The following FLT3 variants were observed in gnomAD, a reference collection of about 807,000 sequenced individuals.
FLT3 encodes the protein receptor-type tyrosine-protein kinase FLT3.
FLT3 carries 46 observed loss-of-function variants against 126.6 expected under a neutral mutation model. The ratio of observed to expected loss-of-function variants is 0.36; its 90% CI spans 0.29 to 0.46. The LOEUF is 0.46. Ranked by LOEUF, FLT3 falls within the 20% of genes least tolerant of loss-of-function variation. FLT3 has a pLI of 1.00. For missense variants in FLT3, 1,069 were observed against 1,190.3 expected (o/e 0.90, Z 1.50); for synonymous variants, 404 against 434.4 (o/e 0.93, Z 0.87).
chr13:28,015,164 C>T lies in FLT3; in HGVS notation c.2746G>A (p.Glu916Lys), dbSNP rs1337882825. 2 of 1,582,144 alleles carry T rather than the reference C, an allele frequency of 1.3e-6. No individual in the cohort carries two copies. Among genetic ancestry groups the T allele is most frequent in the Non-Finnish European group, 1.7e-6 (2 of 1,151,552 alleles). ...FKMDQPFYAT[E>K]EIYIIMQSCW... ...AGTCTGACTTGAACTTACATTTCTT[C>T]TGTAGCATAAAATGGCTGATCCATT... The change falls in exon 22 of 24, where the codon GAA (glutamate) becomes AAA (lysine). Residue 916 changes from glutamate to lysine, a missense_variant. Glu to Lys is a moderately conservative substitution (Grantham distance 56). Transcript: ENST00000241453.
intron 9 of FLT3, among the ~76,000 whole-genome samples, chr13:28,037,544 C>T (rs1873946569): frequency 6.6e-6 from 1 of 152,188 alleles, no homozygotes; most frequent in Non-Finnish European, 1.5e-5. Flanking sequence ...AAATCACTGA[C>T]TCAGAATCTG....
At chr13:28,076,000 T>C (rs1440398307) in intron 1 of FLT3, among the ~76,000 whole-genome samples, 2 of 152,074 alleles carry the variant, frequency 1.3e-5, no homozygotes, top group Non-Finnish European at 2.9e-5. Flanking sequence ...GTCCCCCATG[T>C]TGGCCAGGCT....
At chr13:28,096,497 C>T (rs899852822) in intron 1 of FLT3, among the ~76,000 whole-genome samples, 5 of 151,550 alleles carry the variant, frequency 3.3e-5, no homozygotes, top group African/African-American at 4.9e-5. Context: ...AGTGCAATGG[C>T]GCAATCTTGG....
At chr13:28,094,096 A>T (rs1023814545) in intron 1 of FLT3, among the ~76,000 whole-genome samples, 12 of 152,236 alleles carry the variant, frequency 7.9e-5, no homozygotes, top group African/African-American at 2.9e-4. Flanking sequence ...GATACTGCTT[A>T]TCTCCTTTTT....
At chr13:28,070,070 A>G (rs1877368710) in intron 2 of FLT3, among the ~76,000 whole-genome samples, 1 of 152,230 alleles carries the variant, frequency 6.6e-6, no homozygotes, top group African/African-American at 2.4e-5. Flanking sequence ...AGCTATGATC[A>G]TGCCACTATA....
At chr13:28,014,684 GCAAGTCCTCTAC>G in intron 22 of FLT3, 127 bp from the exon 23 acceptor site, 2 of 642,174 alleles carry the variant, frequency 3.1e-6, no homozygotes, top group South Asian at 4.1e-5. Context: ...TTGTTTTGTG[GCAAGTCCTCTAC>G]CAGATTTTGA....
At chr13:28,049,863 T>C in intron 6 of FLT3, 89 bp from the exon 7 acceptor site, 2 of 1,373,754 alleles carry the variant, frequency 1.5e-6, no homozygotes, top group South Asian at 2.7e-5. Flanking sequence ...ACAAAGACTT[T>C]AGCATCATCT....
intron 19 of FLT3, among the ~76,000 whole-genome samples, chr13:28,019,412 G>A (rs977484371): frequency 2.0e-5 from 3 of 152,152 alleles, no homozygotes; most frequent in African/African-American, 4.8e-5. Flanking sequence ...GAAAGATGTC[G>A]TGATGTTAAT....
chr13:28,033,971 C>T lies in FLT3; in HGVS notation c.1858G>A (p.Ala620Thr). 1.2e-6 allele frequency: 2 copies of T among 1,614,170 alleles called. No homozygotes were observed. Among genetic ancestry groups the T allele is most frequent in the Non-Finnish European group, 1.7e-6 (2 of 1,180,016 alleles). The change falls in exon 15 of 24, where the codon GCT becomes ACT. Residue 620 changes from alanine (A) to threonine (T), a missense_variant. Transcript: ENST00000241453. ...GTTGCGTTCATCACTTTTCCAAAAGCACCTGATCCTAGTACCTTCCCTGCA... is the reference window on the plus strand; with the variant it reads ...GTTGCGTTCATCACTTTTCCAAAAGTACCTGATCCTAGTACCTTCCCTGCA... ...LEFGKVLGSG[A>T]FGKVMNATAY...
intron 19 of FLT3, among the ~76,000 whole-genome samples, chr13:28,020,870 AG>A (rs1872325159): frequency 1.3e-5 from 2 of 152,146 alleles, no homozygotes; most frequent in South Asian, 4.1e-4. Context: ...AGAGACAAGA[AG>A]GGGACAGTGA....
chr13:28,096,429 T>C (rs575027660), intron 1 of FLT3, among the ~76,000 whole-genome samples: 70 of 150,188 alleles, frequency 4.7e-4, no homozygotes, highest in Non-Finnish European at 7.7e-4. Context: ...GCTTCCTTCA[T>C]TGACGCATGC....
At chr13:28,098,389 T>G (rs1180300051) in intron 1 of FLT3, among the ~76,000 whole-genome samples, 1 of 151,802 alleles carries the variant, frequency 6.6e-6, no homozygotes, top group Admixed American at 6.6e-5. Flanking sequence ...ATTCAAAGAA[T>G]TTAAGGCTAT....
chr13:28,068,875 C>A (rs985640497), intron 2 of FLT3, among the ~76,000 whole-genome samples: 1 of 152,154 alleles, frequency 6.6e-6, no homozygotes, highest in African/African-American at 2.4e-5. Context: ...CTGTACCTGG[C>A]TGATTTCTAC....
intron 21 of FLT3, 88 bp from the exon 22 acceptor site, chr13:28,015,344 C>T: frequency 1.1e-6 from 1 of 946,418 alleles, no homozygotes; most frequent in South Asian, 1.4e-5. Flanking sequence ...TTGAGATCTG[C>T]CATGTGCCAG....
rs781557651 is a variant in FLT3 at position 28,049,445 on chromosome 13, G to A, written c.975C>T (p.Thr325=). Residue 325 remains threonine (T), a synonymous_variant, in exon 8 of 24, where the codon ACC becomes ACT. Coordinates refer to ENST00000241453, the MANE Select transcript of FLT3 (RefSeq NM_004119.3). ...TTGAAGAGGAACAAGTGTAGTATCC[G>A]GTGTCGTTTCTTGCCACTGATGATA... The part of the protein sequence containing the change: ...AFVSSVARND[T]GYYTCSSSKH... 73 of 1,613,850 alleles carry A rather than the reference G, an allele frequency of 4.5e-5. No homozygotes were observed. The South Asian group carries it at 6.4e-4, about 14-fold the overall frequency.
rs116504326 is a variant in FLT3, at chr13:28,045,246, C to T, written c.1205+3029G>A. Among the ~76,000 whole-genome samples, 628 of 152,272 alleles carry T rather than the reference C, an allele frequency of 4.1e-3. 2 individuals carry two copies. Among genetic ancestry groups the T allele is most frequent in the African/African-American group, 0.014 (563 of 41,546 alleles). ...TCTCAAAAGGTTATACCAGATATCA[C>T]CAGCACAGTAGCAATCTGTGTACAT... is the stretch of plus-strand genomic sequence containing the variant. On this transcript the variant is annotated intron_variant, in intron 9 of 23. Coordinates refer to ENST00000241453, the MANE Select transcript of FLT3 (RefSeq NM_004119.3).
At chr13:28,069,036 G>C (rs1877278355) in intron 2 of FLT3, among the ~76,000 whole-genome samples, 1 of 152,176 alleles carries the variant, frequency 6.6e-6, no homozygotes, top group African/African-American at 2.4e-5. Context: ...AACAAAGTCG[G>C]AACTTGAAGG....
Position 28,027,134 on chromosome 13 carries a change from G to A in FLT3, c.2161C>T (p.His721Tyr), listed in dbSNP as rs749956357. The A allele has an allele frequency of 1.9e-6, 3 of 1,613,798 alleles. No homozygotes were observed. The highest frequency in any genetic ancestry group is 1.3e-5 in the African/African-American group (1 of 75,030). The change falls in exon 17 of 24, where the codon CAC (histidine) becomes TAC (tyrosine). Residue 721 changes from histidine (H) to tyrosine (Y), a missense_variant. Physicochemically the swap from His to Tyr is moderately conservative, Grantham distance 83. Coordinates refer to ENST00000241453, the MANE Select transcript of FLT3 (RefSeq NM_004119.3). ...HRTWTEIFKE[H>Y]NFSFYPTFQS... ...AAAGTGGGGTAAAAACTGAAATTGT[G>A]TTCCTTGAAAATCTCTGTCCAAGTC...
Position 28,078,495 on chromosome 13 carries a change from C to T in FLT3, c.44-7883G>A, listed in dbSNP as rs573869387. 2.6e-5 allele frequency among the ~76,000 whole-genome samples: 4 copies of T among 152,278 alleles called. No individual in the cohort carries two copies. In the East Asian group the frequency reaches 7.7e-4, roughly 29 times the overall value. On this transcript the variant is annotated intron_variant, in intron 1 of 23. Coordinates refer to ENST00000241453, the MANE Select transcript of FLT3 (RefSeq NM_004119.3). Reference sequence around the variant, plus strand: ...GCTGCTGGGACACAGGGCACCAAGTCCTTGGCTGCATACAGCATGGGGATC... The same window carrying T: ...GCTGCTGGGACACAGGGCACCAAGTTCTTGGCTGCATACAGCATGGGGATC...
Sources: gnomAD v4.1 joint callset for allele counts (sites outside exome capture counted in the v4.1 genomes callset) on GRCh38, gnomAD v4.1.1 for gene constraint, MANE v1.5 for transcripts, NCBI Gene and HGNC (gene_info 2026-07-23, HGNC 2026-07-21) for gene names.